ADGRL4: variants seen among roughly 807,000 people sequenced by gnomAD.
ADGRL4 encodes the protein adhesion G protein-coupled receptor L4.
A neutral mutation model predicts 74.8 loss-of-function variants in ADGRL4; 90 were observed. That is an observed-to-expected ratio of 1.20 (90% CI 1.02 to 1.43). The LOEUF (loss-of-function observed/expected upper bound fraction) is 1.43, where lower values mean the gene tolerates loss of function less well. Among genes scored for constraint, ADGRL4 ranks in the 40% most tolerant of loss-of-function variants. The probability of loss-of-function intolerance (pLI) is 0.00; values close to 1 mark genes in which losing one functional copy is unlikely to be tolerated. For missense variants in ADGRL4, 881 were observed against 814.3 expected (o/e 1.08, Z -1.00); for synonymous variants, 311 against 279.2 (o/e 1.11, Z -1.14).
At chr1:78,938,906 AT>A (rs1266132272) in intron 4 of ADGRL4, among the ~76,000 whole-genome samples, 12 of 152,030 alleles carry the variant, frequency 7.9e-5, no homozygotes, top group Admixed American at 7.9e-4. Context: ...TCTCTTTACT[AT>A]TTTTTAATCA....
At chr1:78,973,869 C>T (rs75645223) in intron 2 of ADGRL4, among the ~76,000 whole-genome samples, 15,163 of 151,934 alleles carry the variant, frequency 0.1, 1,098 homozygotes, top group East Asian at 0.24. Flanking sequence ...AGATATTTTA[C>T]TGTTCTAATA....
intron 2 of ADGRL4, among the ~76,000 whole-genome samples, chr1:78,959,856 C>G (rs1649909034): frequency 6.6e-6 from 1 of 152,094 alleles, no homozygotes; most frequent in Non-Finnish European, 1.5e-5. Context: ...TCCCATGAAC[C>G]TTCTTGATAG....
rs201268103 is a variant in ADGRL4 at position 78,896,484 on chromosome 1, C to CA, written c.1750-3296dup. Among the ~76,000 whole-genome samples, 279 of 152,014 alleles carry CA rather than the reference C, an allele frequency of 1.8e-3. 4 individuals are homozygous for CA. In the East Asian group the frequency reaches 0.026, roughly 14 times the overall value. On this transcript the variant is annotated intron_variant, in intron 12 of 14. Transcript: ENST00000370742. Reference sequence around the variant, plus strand: ...TTTTTTTCTGCAATCTTCCCCATCTCAAAAAAATGTTATCTTACTCTTCTA... The same window carrying CA: ...TTTTTTTCTGCAATCTTCCCCATCTCAAAAAAAATGTTATCTTACTCTTCTA...
At position 78,921,623 on chromosome 1, in the gene ADGRL4, C is replaced by A; in HGVS notation, c.1247G>T (p.Gly416Val). ...LTHFAILMSS[G>V]PSIGIKDYNI... is the part of the protein sequence containing the mutation. Reference sequence around the variant, plus strand: ...GGAAAATTATCTTACAATGGAAGGACCAGAGGACATCAAAATTGCAAAATG... The same window carrying A: ...GGAAAATTATCTTACAATGGAAGGAACAGAGGACATCAAAATTGCAAAATG... The change falls in exon 9 of 15, where the codon GGT becomes GTT. Residue 416 changes from glycine to valine, a missense_variant. Transcript: ENST00000370742. The A allele has an allele frequency of 6.5e-7, 1 of 1,541,594 alleles. No homozygotes were observed. Among genetic ancestry groups the A allele is most frequent in the Non-Finnish European group, 8.7e-7 (1 of 1,145,026 alleles).
chr1:78,972,972 G>C (rs192303149), intron 2 of ADGRL4, among the ~76,000 whole-genome samples: 3 of 152,244 alleles, frequency 2.0e-5, no homozygotes, highest in Non-Finnish European at 4.4e-5. Flanking sequence ...GACTGATTTC[G>C]GTTGCAAAGC....
intron 2 of ADGRL4, among the ~76,000 whole-genome samples, chr1:78,994,594 T>C (rs1419954359): frequency 1.3e-5 from 2 of 152,202 alleles, no homozygotes; most frequent in African/African-American, 4.8e-5. Context: ...TAAAATGAAA[T>C]TATTTTTTCA....
intron 2 of ADGRL4, among the ~76,000 whole-genome samples, chr1:78,980,849 C>T (rs1345682908): frequency 1.3e-5 from 2 of 151,910 alleles, no homozygotes; most frequent in East Asian, 3.9e-4. Context: ...GCACTTCACA[C>T]CTTTCATCCT....
chr1:78,970,606 T>C (rs1053706331), intron 2 of ADGRL4, among the ~76,000 whole-genome samples: 7 of 152,290 alleles, frequency 4.6e-5, no homozygotes, highest in Admixed American at 3.3e-4. Flanking sequence ...GTACCCCAGG[T>C]ATCTGCTAGG....
chr1:79,006,223 G>A (rs573340851), intron 1 of ADGRL4, among the ~76,000 whole-genome samples: 1 of 152,244 alleles, frequency 6.6e-6, no homozygotes, highest in Admixed American at 6.5e-5. Flanking sequence ...TGACTAAGCC[G>A]GAATTAGTTC....
At chr1:78,922,624 CTATT>C (rs1481999241) in intron 8 of ADGRL4, among the ~76,000 whole-genome samples, 3 of 151,900 alleles carry the variant, frequency 2.0e-5, no homozygotes, top group Admixed American at 2.0e-4. Context: ...GAAATAAAAA[CTATT>C]TAGTTATATA....
intron 2 of ADGRL4, among the ~76,000 whole-genome samples, chr1:78,967,659 T>C (rs987110929): frequency 6.6e-6 from 1 of 152,198 alleles, no homozygotes; most frequent in Admixed American, 6.5e-5. Flanking sequence ...AGGTTCTCTG[T>C]GTGAACATAC....
intron 12 of ADGRL4, among the ~76,000 whole-genome samples, chr1:78,897,097 G>A (rs186657203): frequency 5.2e-4 from 79 of 152,224 alleles, no homozygotes; most frequent in African/African-American, 1.8e-3. Context: ...TTATGGAAAT[G>A]TAGAGAATGA....
At chr1:78,910,265 T>G (rs1294313521) in intron 12 of ADGRL4, among the ~76,000 whole-genome samples, 1 of 151,698 alleles carries the variant, frequency 6.6e-6, no homozygotes, top group Non-Finnish European at 1.5e-5. Context: ...CTTGTAAGAG[T>G]CATAAAAATT....
intron 1 of ADGRL4, 135 bp downstream of exon 1, chr1:79,006,498 A>T (rs1053123963): frequency 4.2e-6 from 4 of 949,142 alleles, no homozygotes; most frequent in Non-Finnish European, 6.2e-6. Flanking sequence ...CATCCTGAGA[A>T]GTACTAAATC....
At chr1:78,998,358 G>GA (rs1650762891) in intron 2 of ADGRL4, among the ~76,000 whole-genome samples, 1 of 107,658 alleles carries the variant, frequency 9.3e-6, no homozygotes, top group South Asian at 3.1e-4. Flanking sequence ...AACTTCCACT[G>GA]ATTCTTTTTT....
At chr1:79,004,633 C>T (rs1173709633) in intron 2 of ADGRL4, among the ~76,000 whole-genome samples, 1 of 152,114 alleles carries the variant, frequency 6.6e-6, no homozygotes, top group African/African-American at 2.4e-5. Context: ...CTCTTAATAT[C>T]ATCTCCAAAT....
chr1:78,946,496 A>G, intron 2 of ADGRL4, 70 bp from the exon 3 acceptor site: 1 of 1,297,886 alleles, frequency 7.7e-7, no homozygotes, highest in Non-Finnish European at 1.1e-6. Flanking sequence ...TTCCATCAGT[A>G]TTTTGGAATA....
At chr1:78,940,147 C>G (rs1466053128) in intron 3 of ADGRL4, among the ~76,000 whole-genome samples, 1 of 152,090 alleles carries the variant, frequency 6.6e-6, no homozygotes, top group Non-Finnish European at 1.5e-5. Flanking sequence ...CACATTTAAA[C>G]TTATTTGTTT....
chr1:78,913,282 A>C (rs151151228), intron 12 of ADGRL4, among the ~76,000 whole-genome samples: 2 of 151,952 alleles, frequency 1.3e-5, no homozygotes. Flanking sequence ...CAATCCCATT[A>C]CTTGGTATAT....
Sources: gnomAD v4.1 joint callset for allele counts (sites outside exome capture counted in the v4.1 genomes callset) on GRCh38, gnomAD v4.1.1 for gene constraint, MANE v1.5 for transcripts, NCBI Gene and HGNC (gene_info 2026-07-23, HGNC 2026-07-21) for gene names.